NELL2: variants seen among roughly 807,000 people sequenced by gnomAD.
NELL2 encodes the protein neural EGFL like 2, also known as protein kinase C-binding protein NELL2.
Under a neutral mutation model 109.6 loss-of-function variants are expected in NELL2, and 41 were observed. The observed-to-expected ratio is 0.37, with a 90% confidence interval of 0.29 to 0.49. NELL2 has a LOEUF of 0.49. Ranked by LOEUF, NELL2 falls within the 20% of genes least tolerant of loss-of-function variation. The pLI is 0.98. For synonymous variants in NELL2, 355 were observed against 344.7 expected, an observed-to-expected ratio of 1.03 and a Z score of -0.33; for missense variants, 900 against 1,008.3, an observed-to-expected ratio of 0.89 and a Z score of 1.45.
intron 16 of NELL2, 135 bp downstream of exon 16, chr12:44,532,446 A>G (rs1208834600): frequency 2.6e-6 from 2 of 756,760 alleles, no homozygotes; most frequent in Non-Finnish European, 1.9e-6. Context: ...AGATTTTAAC[A>G]CATTTCCAAT....
chr12:44,746,247 G>A (rs1940343797), intron 9 of NELL2, among the ~76,000 whole-genome samples: 1 of 152,310 alleles, frequency 6.6e-6, no homozygotes, highest in South Asian at 2.1e-4. Flanking sequence ...CTAGCCATAT[G>A]TAGAAAGCTG....
intron 15 of NELL2, among the ~76,000 whole-genome samples, chr12:44,536,305 A>C (rs867930159): frequency 7.2e-5 from 11 of 152,112 alleles, no homozygotes; most frequent in African/African-American, 2.7e-4. Flanking sequence ...GTCTATATAC[A>C]AATGAGGACA....
chr12:44,803,536 G>A (rs890288981), intron 3 of NELL2, among the ~76,000 whole-genome samples: 33 of 151,958 alleles, frequency 2.2e-4, no homozygotes, highest in African/African-American at 7.0e-4. Context: ...TAGGGAGTTC[G>A]GGAATCTGTT....
intron 3 of NELL2, among the ~76,000 whole-genome samples, chr12:44,806,422 T>C (rs1943001136): frequency 6.6e-6 from 1 of 151,886 alleles, no homozygotes; most frequent in African/African-American, 2.4e-5. Flanking sequence ...ATGTATTTCA[T>C]ATACATAGTA....
chr12:44,596,704 A>T (rs1347353261), intron 15 of NELL2, among the ~76,000 whole-genome samples: 1 of 152,188 alleles, frequency 6.6e-6, no homozygotes, highest in East Asian at 1.9e-4. Context: ...AAGTGATTAC[A>T]GGCATAAGCC....
chr12:44,738,647 T>C (rs1024833392), intron 9 of NELL2, among the ~76,000 whole-genome samples: 1 of 151,644 alleles, frequency 6.6e-6, no homozygotes, highest in Non-Finnish European at 1.5e-5. Context: ...ATAGATGCCA[T>C]GGGCCGTGGT....
chr12:44,588,525 T>A (rs1419884190), intron 15 of NELL2, among the ~76,000 whole-genome samples: 3 of 152,190 alleles, frequency 2.0e-5, no homozygotes, highest in Non-Finnish European at 2.9e-5. Context: ...CATGCCACAG[T>A]ACGCTGCAGA....
chr12:44,704,805 G>A (rs760772406), intron 11 of NELL2, among the ~76,000 whole-genome samples: 1 of 151,968 alleles, frequency 6.6e-6, no homozygotes, highest in East Asian at 1.9e-4. Context: ...GATCATTTAA[G>A]ATCAGGAGTT....
chr12:44,802,451 T>C (rs766460648), intron 3 of NELL2, among the ~76,000 whole-genome samples: 68 of 152,192 alleles, frequency 4.5e-4, no homozygotes, highest in Non-Finnish European at 7.4e-4. Flanking sequence ...ATCATATATA[T>C]ACGCTGATCG....
At chr12:44,870,352 C>T (rs1422891151) in intron 2 of NELL2, among the ~76,000 whole-genome samples, 1 of 152,190 alleles carries the variant, frequency 6.6e-6, no homozygotes, top group Non-Finnish European at 1.5e-5. Flanking sequence ...CCAGCATCTG[C>T]CCATTGCCCA....
chr12:44,643,971 C>T (rs1490702025), intron 13 of NELL2, among the ~76,000 whole-genome samples: 1 of 152,108 alleles, frequency 6.6e-6, no homozygotes, highest in Non-Finnish European at 1.5e-5. Context: ...ACCAGGAAAA[C>T]CTATCTAATC....
chr12:44,685,848 A>AT (rs566646674), intron 12 of NELL2, among the ~76,000 whole-genome samples: 282 of 151,280 alleles, frequency 1.9e-3, no homozygotes, highest in African/African-American at 6.6e-3. Context: ...TGCCCTTAAC[A>AT]TTTTTTCCTT....
intron 1 of NELL2, among the ~76,000 whole-genome samples, chr12:44,899,190 T>C (rs1348461930): frequency 1.3e-5 from 2 of 152,118 alleles, no homozygotes; most frequent in Non-Finnish European, 2.9e-5. Context: ...AAAACATGCT[T>C]CAGGATATTA....
intron 9 of NELL2, among the ~76,000 whole-genome samples, chr12:44,771,922 C>T (rs1307879167): frequency 5.3e-5 from 8 of 152,212 alleles, no homozygotes; most frequent in Admixed American, 4.6e-4. Context: ...GCCACATGCA[C>T]GTGTTTCGTT....
chr12:44,872,149 T>C (rs1180735689), intron 2 of NELL2, among the ~76,000 whole-genome samples: 1 of 152,188 alleles, frequency 6.6e-6, no homozygotes, highest in Non-Finnish European at 1.5e-5. Flanking sequence ...TAGAACCCTT[T>C]ATAACCTTTC....
chr12:44,916,572 T>A (rs1234408221), upstream of NELL2, among the ~76,000 whole-genome samples: 1 of 152,164 alleles, frequency 6.6e-6, no homozygotes, highest in African/African-American at 2.4e-5. Flanking sequence ...TAGAGCCATC[T>A]TTACTCCATC....
At chr12:44,545,386 A>G (rs1942750344) in intron 15 of NELL2, among the ~76,000 whole-genome samples, 1 of 152,130 alleles carries the variant, frequency 6.6e-6, no homozygotes, top group Admixed American at 6.5e-5. Flanking sequence ...AAGTGAGAAA[A>G]AGTATTTATT....
chr12:44,790,590 C>T (rs1356825018), intron 3 of NELL2, among the ~76,000 whole-genome samples: 1 of 151,428 alleles, frequency 6.6e-6, no homozygotes, highest in African/African-American at 2.4e-5. Context: ...AACAAAATAA[C>T]AACAACAACA....
intron 3 of NELL2, among the ~76,000 whole-genome samples, chr12:44,782,310 A>G (rs1941993611): frequency 6.6e-6 from 1 of 151,878 alleles, no homozygotes; most frequent in South Asian, 2.1e-4. Context: ...AAATTGTAAA[A>G]CAAGTAACCC....
Sources: gnomAD v4.1 joint callset for allele counts (sites outside exome capture counted in the v4.1 genomes callset) on GRCh38, gnomAD v4.1.1 for gene constraint, MANE v1.5 for transcripts, NCBI Gene and HGNC (gene_info 2026-07-23, HGNC 2026-07-21) for gene names.